DPP10: variants seen among roughly 807,000 people sequenced by gnomAD.
DPP10 encodes the protein inactive dipeptidyl peptidase 10.
DPP10 carries 33 observed loss-of-function variants against 120.9 expected under a neutral mutation model. The ratio of observed to expected loss-of-function variants is 0.27; its 90% confidence interval spans 0.21 to 0.37. DPP10 has a LOEUF of 0.37. Ranked by LOEUF, DPP10 falls within the 10% of genes least tolerant of loss-of-function variation. DPP10 has a pLI of 1.00. For synonymous variants in DPP10, 337 were observed against 326.1 expected (o/e 1.03, Z -0.36); for missense variants, 816 against 942.8 (o/e 0.87, Z 1.76).
At chr2:115,412,492 A>T (rs1238130168) in intron 3 of DPP10, among the ~76,000 whole-genome samples, 2 of 152,210 alleles carry the variant, frequency 1.3e-5, no homozygotes, top group African/African-American at 4.8e-5. Context: ...TCGAAGGTTC[A>T]TCGAAATTTA....
At chr2:115,223,177 G>T (rs1476346438) in intron 1 of DPP10, among the ~76,000 whole-genome samples, 1 of 152,110 alleles carries the variant, frequency 6.6e-6, no homozygotes. Flanking sequence ...AGTAAAGACG[G>T]CAATAAGAGG....
In DPP10 at chr2:114,780,007, T is replaced by G. The variant is rs369469056; in HGVS notation, c.60+337169T>G. On this transcript the variant is annotated intron_variant, in intron 1 of 25. Transcript: ENST00000410059. ...AAAAATAAGCCGGGTGTGGTGGTGG[T>G]CGCCTGTAGTCCCAGCTACTCGGGA... Among the ~76,000 whole-genome samples the G allele has an allele frequency of 1.2e-3, 180 of 151,682 alleles. 1 individual carries two copies. Among genetic ancestry groups the G allele is most frequent in the African/African-American group, 2.6e-3 (109 of 41,386 alleles).
chr2:115,412,792 A>T (rs2069060326), intron 3 of DPP10, among the ~76,000 whole-genome samples: 1 of 152,092 alleles, frequency 6.6e-6, no homozygotes, highest in African/African-American at 2.4e-5. Flanking sequence ...ACTCTTACTG[A>T]GAGGGAAGAT....
chr2:115,187,356 T>C (rs1427125703), intron 1 of DPP10, among the ~76,000 whole-genome samples: 1 of 152,054 alleles, frequency 6.6e-6, no homozygotes, highest in Non-Finnish European at 1.5e-5. Context: ...TTCTTACAAT[T>C]CATAAAGAGA....
At chr2:115,400,376 T>G (rs1406740505) in intron 3 of DPP10, among the ~76,000 whole-genome samples, 1 of 152,100 alleles carries the variant, frequency 6.6e-6, no homozygotes, top group African/African-American at 2.4e-5. Context: ...AATGAATTTA[T>G]AATGGACTTC....
chr2:115,740,839 C>A (rs778948032), intron 9 of DPP10, among the ~76,000 whole-genome samples: 5 of 152,144 alleles, frequency 3.3e-5, no homozygotes, highest in Admixed American at 2.0e-4. Context: ...GTAAAGAAGT[C>A]TTATGGGAAA....
At chr2:115,239,117 A>G (rs936777362) in intron 1 of DPP10, among the ~76,000 whole-genome samples, 6 of 152,106 alleles carry the variant, frequency 3.9e-5, no homozygotes, top group East Asian at 3.9e-4. Context: ...GGGTGGGTCT[A>G]CCTTTCCCAG....
chr2:114,732,184 T>C (rs1676985838), intron 1 of DPP10, among the ~76,000 whole-genome samples: 1 of 152,162 alleles, frequency 6.6e-6, no homozygotes, highest in Non-Finnish European at 1.5e-5. Flanking sequence ...TGAGAGCTCC[T>C]AGGTGCCAGA....
chr2:115,390,558 G>T (rs976085157), intron 3 of DPP10, among the ~76,000 whole-genome samples: 3 of 151,948 alleles, frequency 2.0e-5, no homozygotes, highest in African/African-American at 7.2e-5. Flanking sequence ...TTTCTTAAAT[G>T]ATTTTTATTT....
At chr2:114,766,794 G>A (rs1192277338) in intron 1 of DPP10, among the ~76,000 whole-genome samples, 2 of 152,088 alleles carry the variant, frequency 1.3e-5, no homozygotes, top group Admixed American at 1.3e-4. Context: ...GATAGGGGTA[G>A]GATTTGAATA....
intron 1 of DPP10, among the ~76,000 whole-genome samples, chr2:114,664,626 CAAAAAAAAAA>C (rs374561367): frequency 3.7e-5 from 3 of 81,580 alleles, no homozygotes; most frequent in Admixed American, 1.3e-4. Context: ...GACTCCGTCT[CAAAAAAAAAA>C]AAAAAAAAAA....
chr2:115,164,031 C>T (rs1204417711), intron 1 of DPP10, among the ~76,000 whole-genome samples: 1 of 152,148 alleles, frequency 6.6e-6, no homozygotes, highest in African/African-American at 2.4e-5. Context: ...CAGGGAGTGG[C>T]TACTTTGCAG....
At chr2:115,791,669 C>A (rs1684006545) in intron 19 of DPP10, among the ~76,000 whole-genome samples, 1 of 152,154 alleles carries the variant, frequency 6.6e-6, no homozygotes, top group Non-Finnish European at 1.5e-5. Flanking sequence ...GTTGTTTATG[C>A]AACATTGTGG....
chr2:115,192,950 A>G (rs2054988809), intron 1 of DPP10, among the ~76,000 whole-genome samples: 1 of 151,862 alleles, frequency 6.6e-6, no homozygotes, highest in Non-Finnish European at 1.5e-5. Flanking sequence ...TAACGTTTCA[A>G]AACTTGCTTA....
intron 1 of DPP10, among the ~76,000 whole-genome samples, chr2:115,246,040 C>T (rs904354448): frequency 2.6e-5 from 4 of 151,972 alleles, no homozygotes; most frequent in African/African-American, 9.6e-5. Flanking sequence ...ATACTGAATA[C>T]AGAAATTGAA....
chr2:115,260,330 A>C (rs1004658846), intron 1 of DPP10, among the ~76,000 whole-genome samples: 2 of 152,136 alleles, frequency 1.3e-5, no homozygotes, highest in South Asian at 2.1e-4. Context: ...AATAATTTGA[A>C]CTTACTTTTC....
chr2:115,680,262 TAATAAG>T (rs1314112123), intron 5 of DPP10, among the ~76,000 whole-genome samples: 9 of 151,978 alleles, frequency 5.9e-5, no homozygotes, highest in East Asian at 1.9e-4. Flanking sequence ...AACTAGAATT[TAATAAG>T]AATAAGATGT....
intron 1 of DPP10, among the ~76,000 whole-genome samples, chr2:114,611,423 G>A (rs1693276772): frequency 6.6e-6 from 1 of 152,100 alleles, no homozygotes; most frequent in South Asian, 2.1e-4. Context: ...AATGCATAAA[G>A]ATGAACAACT....
intron 1 of DPP10, among the ~76,000 whole-genome samples, chr2:114,706,864 C>T (rs1420107547): frequency 6.6e-6 from 1 of 151,460 alleles, no homozygotes; most frequent in Non-Finnish European, 1.5e-5. Flanking sequence ...TTTAAAGCAG[C>T]ATTCTCCCAA....
Sources: gnomAD v4.1 joint callset for allele counts (sites outside exome capture counted in the v4.1 genomes callset) on GRCh38, gnomAD v4.1.1 for gene constraint, MANE v1.5 for transcripts, NCBI Gene and HGNC (gene_info 2026-07-23, HGNC 2026-07-21) for gene names.